CSMD1: variants seen among roughly 807,000 people sequenced by gnomAD.
The protein encoded by CSMD1 is CUB and Sushi multiple domains 1.
Under a neutral mutation model 417.5 loss-of-function variants are expected in CSMD1, and 213 were observed. That is an observed-to-expected ratio of 0.51 (90% CI 0.46 to 0.57). CSMD1 has a LOEUF of 0.57. CSMD1 is among the 20% of genes least tolerant of loss of function. CSMD1 has a pLI of 0.00. For missense variants in CSMD1, 6,923 were observed against 4,529.7 expected (o/e 1.53, Z -15.17); for synonymous variants, 2,862 against 1,736.8 (o/e 1.65, Z -16.11).
intron 6 of CSMD1, among the ~76,000 whole-genome samples, chr8:3,716,116 C>A (rs910434667): frequency 6.6e-6 from 1 of 152,212 alleles, no homozygotes; most frequent in African/African-American, 2.4e-5. Context: ...CCCTTTGCTT[C>A]CAGAACTCCA....
chr8:4,642,457 A>G (rs924457609), intron 1 of CSMD1, among the ~76,000 whole-genome samples: 6 of 152,202 alleles, frequency 3.9e-5, no homozygotes, highest in Non-Finnish European at 7.3e-5. Context: ...GCAGTGGCAC[A>G]TACTTTTCCT....
chr8:4,225,016 G>T (rs933429278), intron 3 of CSMD1, among the ~76,000 whole-genome samples: 3 of 152,178 alleles, frequency 2.0e-5, no homozygotes, highest in Non-Finnish European at 4.4e-5. Context: ...GGAGGCTGAG[G>T]CAAGACAATC....
intron 15 of CSMD1, among the ~76,000 whole-genome samples, chr8:3,403,767 C>G (rs148692424): frequency 4.6e-5 from 7 of 152,310 alleles, no homozygotes; most frequent in Non-Finnish European, 7.3e-5. Flanking sequence ...CTGTGACTAA[C>G]TGTGCCCTAT....
chr8:4,947,815 G>C (rs1384532917), intron 1 of CSMD1, among the ~76,000 whole-genome samples: 2 of 152,028 alleles, frequency 1.3e-5, no homozygotes, highest in Non-Finnish European at 2.9e-5. Context: ...AACTCATCAA[G>C]TTTTTGCATA....
chr8:4,510,196 A>G (rs1802740000), intron 2 of CSMD1, among the ~76,000 whole-genome samples: 3 of 151,966 alleles, frequency 2.0e-5, no homozygotes, highest in South Asian at 4.1e-4. Flanking sequence ...ACCTTCCGCC[A>G]TGATAGTGAG....
intron 23 of CSMD1, among the ~76,000 whole-genome samples, chr8:3,338,394 T>G (rs1293481780): frequency 6.6e-6 from 1 of 152,100 alleles, no homozygotes; most frequent in South Asian, 2.1e-4. Context: ...ATAATGGAAA[T>G]TGTGTAAATC....
At chr8:3,026,173 T>C (rs1327438268) in intron 51 of CSMD1, among the ~76,000 whole-genome samples, 2 of 152,122 alleles carry the variant, frequency 1.3e-5, no homozygotes, top group South Asian at 2.1e-4. Flanking sequence ...GTCAGAGAGA[T>C]TGGACTCAGG....
chr8:4,081,296 T>G (rs78322901), intron 3 of CSMD1, among the ~76,000 whole-genome samples: 3 of 152,244 alleles, frequency 2.0e-5, no homozygotes, highest in African/African-American at 4.8e-5. Flanking sequence ...TCCTAGCAGG[T>G]AAGCTCTATG....
chr8:4,766,152 T>C (rs1812449427), intron 1 of CSMD1, among the ~76,000 whole-genome samples: 1 of 152,210 alleles, frequency 6.6e-6, no homozygotes, highest in African/African-American at 2.4e-5. Context: ...ATGCTTTGTG[T>C]ACTAGTCCTG....
At chr8:3,960,264 C>A (rs563388767) in intron 5 of CSMD1, among the ~76,000 whole-genome samples, 3 of 152,212 alleles carry the variant, frequency 2.0e-5, no homozygotes, top group South Asian at 4.2e-4. Context: ...ACAGCAAATC[C>A]TAAGTGCCAT....
intron 1 of CSMD1, among the ~76,000 whole-genome samples, chr8:4,982,027 C>A (rs1476140756): frequency 6.6e-6 from 1 of 152,150 alleles, no homozygotes; most frequent in Non-Finnish European, 1.5e-5. Context: ...CTCATTCCTA[C>A]AACTGCAAGG....
chr8:4,808,344 C>G (rs576578073), intron 1 of CSMD1, among the ~76,000 whole-genome samples: 1 of 152,222 alleles, frequency 6.6e-6, no homozygotes, highest in South Asian at 2.1e-4. Context: ...CCCCTTCCTG[C>G]GACAATCATT....
At chr8:3,803,976 G>A (rs1800595056) in intron 5 of CSMD1, among the ~76,000 whole-genome samples, 1 of 152,088 alleles carries the variant, frequency 6.6e-6, no homozygotes, top group Non-Finnish European at 1.5e-5. Flanking sequence ...CGCCCAGGCT[G>A]GAGTGCAATG....
chr8:4,555,214 G>A (rs1214424930), intron 2 of CSMD1, among the ~76,000 whole-genome samples: 1 of 152,182 alleles, frequency 6.6e-6, no homozygotes, highest in East Asian at 1.9e-4. Context: ...ATGAATGCAG[G>A]AAGACCAGCT....
At chr8:4,486,134 T>TATAC (rs1216245265) in intron 2 of CSMD1, among the ~76,000 whole-genome samples, 1 of 30,942 alleles carries the variant, frequency 3.2e-5, no homozygotes, top group African/African-American at 1.3e-4. Flanking sequence ...TATATATATA[T>TATAC]ATACATACAT....
chr8:3,706,179 C>T (rs1295215561), intron 7 of CSMD1, among the ~76,000 whole-genome samples: 1 of 152,236 alleles, frequency 6.6e-6, no homozygotes, highest in Non-Finnish European at 1.5e-5. Context: ...ATGCCCACTG[C>T]ATGCCACACT....
chr8:4,522,559 TTCTGTTGCAATAATTTTCAAAACCTG>T (rs1413192872), intron 2 of CSMD1, among the ~76,000 whole-genome samples: 1 of 152,202 alleles, frequency 6.6e-6, no homozygotes, highest in East Asian at 1.9e-4. Flanking sequence ...TAACTGATAA[TTCTGTTGCAATAATTTTCAAAACCTG>T]TCTTTTGATA....
intron 30 of CSMD1, among the ~76,000 whole-genome samples, chr8:3,214,029 G>A (rs181345040): frequency 1.3e-5 from 2 of 151,852 alleles, no homozygotes; most frequent in Admixed American, 1.3e-4. Flanking sequence ...TATTTTTAGC[G>A]GAGACAGGGT....
At chr8:4,099,953 C>T (rs376626418) in intron 3 of CSMD1, among the ~76,000 whole-genome samples, 3 of 152,144 alleles carry the variant, frequency 2.0e-5, no homozygotes, top group African/African-American at 7.2e-5. Context: ...AATAAAAATA[C>T]TCATTTATTT....
Sources: gnomAD v4.1 joint callset for allele counts (sites outside exome capture counted in the v4.1 genomes callset) on GRCh38, gnomAD v4.1.1 for gene constraint, MANE v1.5 for transcripts, NCBI Gene and HGNC (gene_info 2026-07-23, HGNC 2026-07-21) for gene names.